The following DCAF17 variants were observed in gnomAD, a reference collection of about 807,000 sequenced individuals.
DCAF17 encodes the protein DDB1- and CUL4-associated factor 17.
In DCAF17, 48 loss-of-function variants were observed where a neutral mutation model predicts 66.0. The ratio of observed to expected loss-of-function variants is 0.73; its 90% CI spans 0.58 to 0.92. The LOEUF (loss-of-function observed/expected upper bound fraction) is 0.92, where lower values mean the gene tolerates loss of function less well. DCAF17 is among the 40% of genes least tolerant of loss of function. The probability of loss-of-function intolerance (pLI) is 0.00; values close to 1 mark genes in which losing one functional copy is unlikely to be tolerated. For synonymous variants in DCAF17, 206 were observed against 214.6 expected, an observed-to-expected ratio of 0.96 and a Z score of 0.35; for missense variants, 562 against 622.8, an observed-to-expected ratio of 0.90 and a Z score of 1.04.
intron 11 of DCAF17, 94 bp from the exon 12 acceptor site, chr2:171,477,893 G>C: frequency 1.0e-6 from 1 of 969,952 alleles, no homozygotes; most frequent in Non-Finnish European, 1.6e-6. Context: ...TGGGAGAAGG[G>C]TTGGTAAGTT....
chr2:171,473,581 G>T (rs1226084283), intron 9 of DCAF17, among the ~76,000 whole-genome samples: 3 of 152,072 alleles, frequency 2.0e-5, no homozygotes, highest in African/African-American at 7.2e-5. Flanking sequence ...CGCAGTTCCT[G>T]ACACAAAGTA....
chr2:171,471,028 G>C (rs375645836), intron 9 of DCAF17, among the ~76,000 whole-genome samples: 8 of 152,308 alleles, frequency 5.3e-5, no homozygotes, highest in African/African-American at 1.9e-4. Context: ...AATCCCCTGT[G>C]GTTTCCAAGG....
chr2:171,437,158 T>C (rs919871445), intron 2 of DCAF17, among the ~76,000 whole-genome samples: 8 of 152,214 alleles, frequency 5.3e-5, no homozygotes, highest in South Asian at 2.1e-4. Context: ...AAGAATCCAT[T>C]GCAAAATTTG....
Position 171,484,015 on chromosome 2 carries a change from G to A in DCAF17, c.*2901G>A, listed in dbSNP as rs1293359687. On this transcript the variant is annotated 3_prime_UTR_variant, in exon 14 of 14. Transcript: ENST00000375255. ...ATAATCGTTTTTTACTGATGATTCAGTGTCTAAATTTTGAACAAATTTGGG... is the reference window on the plus strand; with the variant it reads ...ATAATCGTTTTTTACTGATGATTCAATGTCTAAATTTTGAACAAATTTGGG... 2 of 453,618 alleles carry A rather than the reference G, an allele frequency of 4.4e-6. No homozygotes were observed. Among genetic ancestry groups the A allele is most frequent in the South Asian group, 1.6e-5 (1 of 64,398 alleles). 28.1% of individuals were successfully genotyped at this position (453,618 alleles called of 1,614,324 possible).
chr2:171,459,399 C>G (rs57136707), intron 8 of DCAF17, among the ~76,000 whole-genome samples: 2,357 of 152,280 alleles, frequency 0.015, 63 homozygotes, highest in African/African-American at 0.049. Context: ...GAGTTCATCT[C>G]AGGAATCCAA....
intron 3 of DCAF17, among the ~76,000 whole-genome samples, chr2:171,446,656 C>G (rs949066388): frequency 6.6e-6 from 1 of 152,078 alleles, no homozygotes; most frequent in Non-Finnish European, 1.5e-5. Context: ...CTTAATATCT[C>G]AGGGTTCTTT....
chr2:171,457,243 A>T (rs1362351021), intron 6 of DCAF17, among the ~76,000 whole-genome samples: 1 of 152,228 alleles, frequency 6.6e-6, no homozygotes. Context: ...ATGTTTGCTT[A>T]TTACAGTCTA....
In DCAF17 at chr2:171,480,983, C is replaced by G; in HGVS notation, c.1432C>G (p.His478Asp). 2 of 1,613,664 alleles carry G rather than the reference C, an allele frequency of 1.2e-6. No homozygotes were observed. The highest frequency in any genetic ancestry group is 4.5e-5 in the East Asian group (2 of 44,866). Residue 478 changes from histidine (H) to aspartate (D), a missense_variant, in exon 14 of 14, where the codon CAT becomes GAT. Physicochemically the swap from His to Asp is moderately conservative, Grantham distance 81. Around this residue, in one of 3 missense-constraint regions of DCAF17, gnomAD observed 201 missense variants for 231.1 expected, o/e 0.87. Transcript: ENST00000375255. The part of the protein sequence containing the change: ...LVESWDVTYS[H>D]EVYFDRDLVL... ...TTGTGTTTTGTTACAGACATATAGC[C>G]ATGAAGTCTACTTTGACAGAGACTT...
chr2:171,468,890 A>T lies in DCAF17; in HGVS notation c.841A>T (p.Met281Leu). 1.9e-6 allele frequency: 3 copies of T among 1,614,142 alleles called. No individual in the cohort carries two copies. Among genetic ancestry groups the T allele is most frequent in the Non-Finnish European group, 2.5e-6 (3 of 1,179,984 alleles). ...GIPCNIKITD[M>L]PPLLFEVSSL... ...AATTCCTTTTCCTGTCTCTACAGAC[A>T]TGCCACCACTGCTCTTTGAGGTGTC... is the stretch of plus-strand genomic sequence containing the variant. The change falls in exon 9 of 14, where the codon ATG (methionine) becomes TTG (leucine). Residue 281 changes from methionine (M) to leucine (L), a missense_variant and splice_region_variant. Met to Leu is a conservative substitution (Grantham distance 15). Transcript: ENST00000375255.
chr2:171,467,524 A>G (rs1015067161), intron 8 of DCAF17, among the ~76,000 whole-genome samples: 1 of 151,968 alleles, frequency 6.6e-6, no homozygotes. Flanking sequence ...CCCTGTCTCT[A>G]CTAAAAAGAC....
chr2:171,466,498 A>G (rs1165312790), intron 8 of DCAF17, among the ~76,000 whole-genome samples: 2 of 152,060 alleles, frequency 1.3e-5, no homozygotes, highest in African/African-American at 2.4e-5. Context: ...TGCTTTCTCG[A>G]AACAACAGAT....
intron 10 of DCAF17, 57 bp from the exon 11 acceptor site, chr2:171,476,803 G>T: frequency 7.9e-7 from 1 of 1,271,540 alleles, no homozygotes; most frequent in South Asian, 1.2e-5. Flanking sequence ...CTTAAACTTT[G>T]GCACCTTGAT....
intron 8 of DCAF17, among the ~76,000 whole-genome samples, chr2:171,465,046 A>G (rs1402585389): frequency 1.3e-5 from 2 of 151,860 alleles, no homozygotes; most frequent in African/African-American, 4.8e-5. Flanking sequence ...AAATAGAAAA[A>G]ATTTAGCCAG....
chr2:171,449,967 T>A lies in DCAF17; in HGVS notation c.537+10T>A. ...AGCAGTGGCCCGGCAGGTATACATATTTAAACATTCAATAAAATGAAGACT... is the reference window on the plus strand; with the variant it reads ...AGCAGTGGCCCGGCAGGTATACATAATTAAACATTCAATAAAATGAAGACT... On this transcript the variant is annotated intron_variant, in intron 5 of 13. Transcript: ENST00000375255. 1 of 1,606,318 alleles carries A rather than the reference T, an allele frequency of 6.2e-7. No individual in the cohort carries two copies. The highest frequency in any genetic ancestry group is 8.5e-7 in the Non-Finnish European group (1 of 1,173,180).
In DCAF17 at chr2:171,480,207, G is replaced by A. The variant is rs368707741; in HGVS notation, c.1422+14G>A. On this transcript the variant is annotated intron_variant, in intron 13 of 13. Transcript: ENST00000375255. ...TCATGGGATGTGGTGAGTAGAGTCC[G>A]TGGGATACAAAGTTGTAAACCTTTC... 84 of 1,612,152 alleles carry A rather than the reference G, an allele frequency of 5.2e-5. No individual in the cohort carries two copies. Among genetic ancestry groups the A allele is most frequent in the East Asian group, 1.3e-4 (6 of 44,836 alleles).
chr2:171,460,733 A>G (rs1187766481), intron 8 of DCAF17, among the ~76,000 whole-genome samples: 1 of 151,884 alleles, frequency 6.6e-6, no homozygotes, highest in East Asian at 1.9e-4. Context: ...ATGGTGTTTC[A>G]CTATGTTGCT....
intron 6 of DCAF17, 60 bp downstream of exon 6, chr2:171,453,273 TATTTA>T (rs999240326): frequency 2.5e-6 from 3 of 1,214,370 alleles, no homozygotes; most frequent in Non-Finnish European, 3.5e-6. Context: ...GTAATGTCAT[TATTTA>T]ATTATTTATG....
At chr2:171,440,274 A>G (rs1694232294) in intron 2 of DCAF17, among the ~76,000 whole-genome samples, 1 of 152,176 alleles carries the variant, frequency 6.6e-6, no homozygotes, top group African/African-American at 2.4e-5. Context: ...AGGGCTATAT[A>G]TGATATGATA....
rs1023529896 is a variant in DCAF17, at chr2:171,448,737, T to C, written c.378T>C (p.Ala126=). The C allele has an allele frequency of 1.5e-5, 24 of 1,613,510 alleles. No individual in the cohort carries two copies. Among genetic ancestry groups the C allele is most frequent in the Non-Finnish European group, 8.5e-7 (1 of 1,179,586 alleles). ...DYKSSLIALT[A]HNWLLRISAT... is the part of the protein sequence containing the mutation. ...AGTCCTCACTCATAGCACTGACTGC[T>C]CATAATTGGCTACTTCGTATATCAG... Residue 126 remains alanine, a synonymous_variant, in exon 4 of 14, where the codon GCT becomes GCC. Transcript: ENST00000375255.
Sources: allele counts gnomAD v4.1 joint callset (sites outside exome capture counted in the v4.1 genomes callset), GRCh38; gene constraint gnomAD v4.1.1; regional missense constraint gnomAD v4.1.1; transcripts MANE v1.5; gene names NCBI Gene and HGNC (gene_info 2026-07-23, HGNC 2026-07-21).